The following PCDHA1 variants were observed in gnomAD, a reference collection of about 807,000 sequenced individuals.
The protein encoded by PCDHA1 is protocadherin alpha 1, also known as protocadherin alpha-1.
A neutral mutation model predicts 61.3 loss-of-function variants in PCDHA1; 42 were observed. The observed-to-expected ratio is 0.69, with a 90% confidence interval of 0.54 to 0.89. The LOEUF (loss-of-function observed/expected upper bound fraction) is 0.89. Among genes scored for constraint, PCDHA1 ranks in the 40% least tolerant of loss-of-function variants. PCDHA1 has a pLI of 0.00. For synonymous variants in PCDHA1, 610 were observed against 553.8 expected (o/e 1.10, Z -1.43); for missense variants, 1,256 against 1,235.3 (o/e 1.02, Z -0.25).
chr5:140,861,061 A>G (rs1278905276), intron 1 of PCDHA1: 1 of 152,226 alleles, frequency 6.6e-6, no homozygotes, highest in Admixed American at 6.5e-5. Context: ...AGAAAATCAG[A>G]TTATTCCTAG....
intron 1 of PCDHA1, chr5:140,929,724 TA>T (rs2086341478): frequency 4.6e-6 from 1 of 218,158 alleles, no homozygotes; most frequent in Admixed American, 5.9e-5. Flanking sequence ...GTGAAACATT[TA>T]CTTAAACTAT....
chr5:140,846,741 C>G (rs1466625417), intron 1 of PCDHA1, among the ~76,000 whole-genome samples: 1 of 149,290 alleles, frequency 6.7e-6, no homozygotes, highest in African/African-American at 2.5e-5. Flanking sequence ...AAATAGGACC[C>G]TTACAGATCT....
intron 1 of PCDHA1, chr5:140,968,131 G>A (rs1485866692): frequency 1.2e-6 from 2 of 1,614,042 alleles, no homozygotes; most frequent in African/African-American, 1.3e-5. Context: ...TGCGTACACT[G>A]AAGGTTGAGA....
intron 1 of PCDHA1, chr5:140,843,893 C>A: frequency 1.5e-6 from 1 of 677,036 alleles, no homozygotes; most frequent in South Asian, 2.1e-5. Context: ...CAGTATTAAT[C>A]ATTCTCCACA....
At chr5:140,829,252 C>T (rs1430937328) in intron 1 of PCDHA1, 1 of 1,614,148 alleles carries the variant, frequency 6.2e-7, no homozygotes, top group Non-Finnish European at 8.5e-7. Flanking sequence ...AGGTGAACTG[C>T]TCGCTGACGC....
intron 1 of PCDHA1, chr5:140,876,486 G>T (rs2153341413): frequency 6.2e-7 from 1 of 1,614,014 alleles, no homozygotes; most frequent in Non-Finnish European, 8.5e-7. Context: ...TGGTCCTGGT[G>T]GAAGTTCTGG....
intron 1 of PCDHA1, among the ~76,000 whole-genome samples, chr5:140,926,209 T>C (rs553307318): frequency 1.8e-3 from 269 of 152,150 alleles, no homozygotes; most frequent in African/African-American, 6.3e-3. Flanking sequence ...GGGGGGCTCC[T>C]GTTTCCTTAA....
intron 1 of PCDHA1, among the ~76,000 whole-genome samples, chr5:140,922,408 T>C (rs2080827805): frequency 6.6e-6 from 1 of 152,196 alleles, no homozygotes; most frequent in Non-Finnish European, 1.5e-5. Context: ...ATTAAAAAGA[T>C]CTAGGTACAG....
intron 1 of PCDHA1, chr5:140,926,553 A>T: frequency 4.3e-6 from 1 of 233,838 alleles, no homozygotes; most frequent in East Asian, 9.1e-5. Context: ...TCGAGACCCC[A>T]GCCCGCTGCT....
In PCDHA1 at chr5:140,848,449, A is replaced by C. The variant is rs2150410589; in HGVS notation, c.2394+59765A>C. The C allele has an allele frequency of 8.6e-6, 13 of 1,509,804 alleles. 2 individuals are homozygous for C. In the Admixed American group the frequency reaches 2.4e-4, roughly 28 times the overall value. The allele number at this position is 1,509,804 out of a possible 1,614,324, so 93.5% of individuals were successfully genotyped here. On this transcript the variant is annotated intron_variant, in intron 1 of 3. Coordinates refer to ENST00000504120, the MANE Select transcript of PCDHA1 (RefSeq NM_018900.4). ...CTGACGAAATCAGATGATTTCTTCT[A>C]ATTTGGAGGCAATTTTCACTAATTA...
chr5:140,890,739 C>T (rs1202760840), intron 1 of PCDHA1, among the ~76,000 whole-genome samples: 1 of 152,112 alleles, frequency 6.6e-6, no homozygotes, highest in Non-Finnish European at 1.5e-5. Flanking sequence ...GACTTATATA[C>T]TATTTCTGTC....
At chr5:140,823,949 A>G in intron 1 of PCDHA1, 1 of 1,613,920 alleles carries the variant, frequency 6.2e-7, no homozygotes, top group Non-Finnish European at 8.5e-7. Context: ...TGCTCGGCGC[A>G]GCCCACCGAG....
chr5:140,876,789 T>C (rs782509311), intron 1 of PCDHA1: 97 of 1,614,054 alleles, frequency 6.0e-5, no homozygotes, highest in Non-Finnish European at 7.5e-5. Context: ...GGGCCACGGC[T>C]AGAGTGTCCG....
At chr5:140,947,302 C>G (rs1390442873) in intron 1 of PCDHA1, among the ~76,000 whole-genome samples, 2 of 151,504 alleles carry the variant, frequency 1.3e-5, no homozygotes, top group Non-Finnish European at 3.0e-5. Flanking sequence ...ATCTTGACAT[C>G]TTTGTAAAAA....
chr5:140,877,247 C>T (rs782249614), intron 1 of PCDHA1: 1 of 1,613,680 alleles, frequency 6.2e-7, no homozygotes, highest in African/African-American at 1.3e-5. Context: ...CACGTGGTGG[C>T]GAAAGTGCGC....
Position 140,786,632 on chromosome 5 carries a change from G to T in PCDHA1, c.342G>T (p.Leu114=). 6.2e-7 allele frequency: 1 copy of T among 1,614,272 alleles called. No homozygotes were observed. ...TGGAGTTGATCGCCGACAGGCCGCT[G>T]CAGGTTTTCCATGTGGAGGTGAAGG... ...IHLELIADRP[L]QVFHVEVKVK... is the part of the protein sequence containing the mutation. Residue 114 remains leucine (L), a synonymous_variant, in exon 1 of 4, where the codon CTG becomes CTT. Coordinates refer to ENST00000504120, the MANE Select transcript of PCDHA1 (RefSeq NM_018900.4).
intron 1 of PCDHA1, among the ~76,000 whole-genome samples, chr5:140,878,538 C>T (rs1001402199): frequency 3.9e-5 from 6 of 152,088 alleles, no homozygotes; most frequent in Non-Finnish European, 7.4e-5. Context: ...TGGCTCAAAC[C>T]AGTTTCAGAT....
At chr5:140,817,187 T>G (rs2126678209) in intron 1 of PCDHA1, 2 of 152,324 alleles carry the variant, frequency 1.3e-5, no homozygotes, top group South Asian at 2.1e-4. Flanking sequence ...CCCTGAAAAG[T>G]CAGAACACTG....
At chr5:140,802,648 C>G in intron 1 of PCDHA1, 1 of 1,613,666 alleles carries the variant, frequency 6.2e-7, no homozygotes, top group Non-Finnish European at 8.5e-7. Context: ...GACGCGGACG[C>G]GCAGGAGAAC....
Sources: gnomAD v4.1 joint callset for allele counts (sites outside exome capture counted in the v4.1 genomes callset) on GRCh38, gnomAD v4.1.1 for gene constraint, MANE v1.5 for transcripts, NCBI Gene and HGNC (gene_info 2026-07-23, HGNC 2026-07-21) for gene names.